TDRP: variants seen among roughly 807,000 people sequenced by gnomAD.
TDRP encodes the protein testis development-related protein.
Under a neutral mutation model 10.5 loss-of-function variants are expected in TDRP, and 12 were observed. The observed-to-expected ratio is 1.15, with a 90% CI of 0.73 to 1.86. The LOEUF (loss-of-function observed/expected upper bound fraction) is 1.86. Among genes scored for constraint, TDRP ranks in the 40% most tolerant of loss-of-function variants. TDRP has a pLI of 0.00. For synonymous variants in TDRP, 139 were observed against 95.4 expected (o/e 1.46, Z -2.67); for missense variants, 353 against 229.2 (o/e 1.54, Z -3.49).
chr8:523,767 G>C (rs542800379), intron 1 of TDRP, among the ~76,000 whole-genome samples: 2 of 152,252 alleles, frequency 1.3e-5, no homozygotes, highest in East Asian at 3.9e-4. Flanking sequence ...TGGAGTGCCA[G>C]CTAGGCTGCA....
intron 1 of TDRP, among the ~76,000 whole-genome samples, chr8:523,367 C>T (rs1427814387): frequency 6.6e-6 from 1 of 152,122 alleles, no homozygotes; most frequent in African/African-American, 2.4e-5. Context: ...ATGGAAGCCT[C>T]CACCAATCAT....
chr8:535,048 T>C (rs115028730), intron 1 of TDRP, among the ~76,000 whole-genome samples: 2,224 of 152,314 alleles, frequency 0.015, 51 homozygotes, highest in African/African-American at 0.05. Context: ...TTTCAAACAC[T>C]AGAACTAGAA....
At chr8:503,548 C>T (rs985628425) in intron 1 of TDRP, among the ~76,000 whole-genome samples, 4 of 147,682 alleles carry the variant, frequency 2.7e-5, no homozygotes, top group African/African-American at 1.1e-4. Context: ...GGAACCAATG[C>T]CCACTCACCA....
intron 1 of TDRP, among the ~76,000 whole-genome samples, chr8:530,727 C>G (rs1221169885): frequency 1.3e-5 from 2 of 152,158 alleles, no homozygotes; most frequent in East Asian, 3.9e-4. Context: ...CAGCAGCCCC[C>G]AGACATCCAA....
At chr8:511,374 A>C (rs1801612089) in intron 1 of TDRP, among the ~76,000 whole-genome samples, 1 of 151,912 alleles carries the variant, frequency 6.6e-6, no homozygotes, top group Non-Finnish European at 1.5e-5. Flanking sequence ...AATGTTGCTA[A>C]AGAGAATTTC....
chr8:505,489 G>A (rs1801434843), intron 1 of TDRP, among the ~76,000 whole-genome samples: 1 of 152,118 alleles, frequency 6.6e-6, no homozygotes, highest in African/African-American at 2.4e-5. Flanking sequence ...TGACTACTGC[G>A]AACCGAAATC....
At chr8:502,606 G>A (rs534394505) in intron 1 of TDRP, among the ~76,000 whole-genome samples, 80 of 152,110 alleles carry the variant, frequency 5.3e-4, no homozygotes, top group African/African-American at 1.7e-3. Context: ...ACCTCAGCAC[G>A]TGTCAACATG....
intron 1 of TDRP, among the ~76,000 whole-genome samples, chr8:525,962 T>A (rs879433039): frequency 2.0e-5 from 3 of 152,200 alleles, no homozygotes; most frequent in Non-Finnish European, 4.4e-5. Context: ...GTCTTTTTAT[T>A]CTGGCTTTGA....
intron 1 of TDRP, 43 bp from the exon 2 acceptor site, chr8:494,640 T>A (rs1362111914): frequency 3.9e-6 from 6 of 1,545,068 alleles, no homozygotes; most frequent in Non-Finnish European, 5.4e-6. Context: ...ATGTCATGAA[T>A]CAACAGAATT....
At chr8:545,095 C>A (rs1426552552), upstream of TDRP, 19 of 164,318 alleles carry the variant, frequency 1.2e-4, no homozygotes, top group Non-Finnish European at 2.0e-4. Flanking sequence ...TTCGACGGGG[C>A]TCCGAATCCC....
chr8:511,116 G>A (rs1310534602), intron 1 of TDRP, among the ~76,000 whole-genome samples: 2 of 152,172 alleles, frequency 1.3e-5, no homozygotes, highest in Non-Finnish European at 2.9e-5. Context: ...GGAAATGGCA[G>A]ATGTAAACCC....
intron 1 of TDRP, among the ~76,000 whole-genome samples, chr8:534,399 A>G (rs1429466927): frequency 6.6e-6 from 1 of 152,194 alleles, no homozygotes; most frequent in Non-Finnish European, 1.5e-5. Flanking sequence ...CTTGTTTTAC[A>G]TGTATTTGTT....
At chr8:502,163 C>T (rs1383755055) in intron 1 of TDRP, among the ~76,000 whole-genome samples, 1 of 152,242 alleles carries the variant, frequency 6.6e-6, no homozygotes, top group African/African-American at 2.4e-5. Flanking sequence ...CAATTACGTA[C>T]AACAAAAAGG....
chr8:508,362 C>T (rs1302377844), intron 1 of TDRP, among the ~76,000 whole-genome samples: 1 of 152,174 alleles, frequency 6.6e-6, no homozygotes, highest in Non-Finnish European at 1.5e-5. Flanking sequence ...CTGCCCAAGA[C>T]TGGGTAATTT....
intron 1 of TDRP, among the ~76,000 whole-genome samples, chr8:531,659 A>G (rs1024128095): frequency 6.6e-6 from 1 of 152,226 alleles, no homozygotes; most frequent in East Asian, 1.9e-4. Flanking sequence ...TCTTGGCACA[A>G]CTTCTTTCCA....
At chr8:543,092 G>A (rs1802541852) in intron 1 of TDRP, among the ~76,000 whole-genome samples, 1 of 152,134 alleles carries the variant, frequency 6.6e-6, no homozygotes, top group East Asian at 1.9e-4. Flanking sequence ...CGGATCACGT[G>A]AGCCCAGGAG....
chr8:517,312 G>C (rs1348289779), intron 1 of TDRP, among the ~76,000 whole-genome samples: 2 of 152,128 alleles, frequency 1.3e-5, no homozygotes, highest in Non-Finnish European at 2.9e-5. Context: ...GCTGTCTCTT[G>C]TGGGGAGAAT....
At chr8:522,407 C>T (rs945199338) in intron 1 of TDRP, among the ~76,000 whole-genome samples, 15 of 152,264 alleles carry the variant, frequency 9.9e-5, no homozygotes, top group African/African-American at 2.4e-4. Flanking sequence ...GCCTGTTTTT[C>T]TCTCTGTGGC....
rs1329140046 is a variant in TDRP, at chr8:505,350, G to C, written c.109-10753C>G. 4.6e-5 allele frequency among the ~76,000 whole-genome samples: 7 copies of C among 152,206 alleles called. No homozygotes were observed. The South Asian group carries it at 6.2e-4, about 14-fold the overall frequency. The stretch of plus-strand genomic sequence containing the variant: ...TAATAACAGGTTCAATATGAGTCTT[G>C]TGAAACAGGGGTGGGAAGGATCCTG... On this transcript the variant is annotated intron_variant, in intron 1 of 2. Transcript: ENST00000324079.
Sources: gnomAD v4.1 joint callset for allele counts (sites outside exome capture counted in the v4.1 genomes callset) on GRCh38, gnomAD v4.1.1 for gene constraint, MANE v1.5 for transcripts, NCBI Gene and HGNC (gene_info 2026-07-23, HGNC 2026-07-21) for gene names.